Variants in INTS2 observed in about 807,000 individuals in gnomAD.
INTS2 encodes KIAA1287.
Under a neutral mutation model 139.6 loss-of-function variants are expected in INTS2, and 57 were observed. The observed-to-expected ratio is 0.41, with a 90% CI of 0.33 to 0.51. INTS2 has a LOEUF of 0.51. Among genes scored for constraint, INTS2 ranks in the 20% least tolerant of loss-of-function variants. The pLI is 0.28. For missense variants in INTS2, 1,196 were observed against 1,436.7 expected (o/e 0.83, Z 2.71); for synonymous variants, 473 against 493.4 (o/e 0.96, Z 0.55).
chr17:61,878,291 G>A (rs537370186), intron 17 of INTS2, among the ~76,000 whole-genome samples: 7 of 152,226 alleles, frequency 4.6e-5, no homozygotes, highest in Admixed American at 1.3e-4. Context: ...AGATGGATGC[G>A]GTGGCTCACA....
rs957187865 is a variant in INTS2 at position 61,909,624 on chromosome 17, A to C, written c.954+1896T>G. Among the ~76,000 whole-genome samples the C allele has an allele frequency of 1.3e-5, 2 of 151,992 alleles. No homozygotes were observed. Among genetic ancestry groups the C allele is most frequent in the Non-Finnish European group, 2.9e-5 (2 of 67,990 alleles). On this transcript the variant is annotated intron_variant, in intron 7 of 24. Transcript: ENST00000251334. This position sits in a 1 kb window ranked among gnomAD's most constrained non-coding sequence, Gnocchi z 4.9. Reference sequence around the variant, plus strand: ...CACTCGCTTATGTCCATGTGTACACATGATTAGCACCCACTCATAATTGAG... The same window carrying C: ...CACTCGCTTATGTCCATGTGTACACCTGATTAGCACCCACTCATAATTGAG...
Position 61,927,953 on chromosome 17 carries a change from T to G in INTS2, c.-318A>C. Reference sequence around the variant, plus strand: ...CCAGCACCTTCATTCATCCCCAGCGTCTGACTCCCGTCGGCCACCGTACTG... The same window carrying G: ...CCAGCACCTTCATTCATCCCCAGCGGCTGACTCCCGTCGGCCACCGTACTG... On this transcript the variant is annotated 5_prime_UTR_variant, in exon 1 of 25. Transcript: ENST00000251334. 1 of 1,613,930 alleles carries G rather than the reference T, an allele frequency of 6.2e-7. No individual in the cohort carries two copies. The highest frequency in any genetic ancestry group is 8.5e-7 in the Non-Finnish European group (1 of 1,179,886).
chr17:61,871,687 ACTTT>A lies in INTS2; in HGVS notation c.2778+574_2778+577del, dbSNP rs939191606. Among the ~76,000 whole-genome samples, 11 of 152,094 alleles carry A rather than the reference ACTTT, an allele frequency of 7.2e-5. 1 individual carries two copies. Among genetic ancestry groups the A allele is most frequent in the African/African-American group, 1.7e-4 (7 of 41,420 alleles). On this transcript the variant is annotated intron_variant, in intron 20 of 24. Coordinates refer to ENST00000251334, the MANE Select transcript of INTS2 (RefSeq NM_001351695.2). The surrounding 1 kb of genome is among the most constrained non-coding windows in gnomAD (Gnocchi z 4.9). The stretch of plus-strand genomic sequence containing the variant: ...CGTGGCTCATGCCTGTAATCCCAGC[ACTTT>A]GGGAAGCTGAGGTGGGTGGATCACC...
Position 61,897,869 on chromosome 17 carries a change from A to C in INTS2, c.1308-130T>G. On this transcript the variant is annotated intron_variant, in intron 9 of 24. Coordinates refer to ENST00000251334, the MANE Select transcript of INTS2 (RefSeq NM_001351695.2). The surrounding 1 kb of genome is among the most constrained non-coding windows in gnomAD (Gnocchi z 4.4). Reference sequence around the variant, plus strand: ...TATTTTCAAGTATCAAGTCAAATTAAAGGCTTGCTGAATTGGGCCATTAAT... The same window carrying C: ...TATTTTCAAGTATCAAGTCAAATTACAGGCTTGCTGAATTGGGCCATTAAT... 1 of 681,912 alleles carries C rather than the reference A, an allele frequency of 1.5e-6. No individual in the cohort carries two copies. The highest frequency in any genetic ancestry group is 2.5e-6 in the Non-Finnish European group (1 of 400,464). The allele number at this position is 681,912 out of a possible 1,614,324, so 42.2% of individuals were successfully genotyped here.
rs565409494 is a variant in INTS2, at chr17:61,890,418, T to C, written c.1876-524A>G. On this transcript the variant is annotated intron_variant, in intron 14 of 24. Coordinates refer to ENST00000251334, the MANE Select transcript of INTS2 (RefSeq NM_001351695.2). Reference sequence around the variant, plus strand: ...CTGAGGTCACGAGTTGGAGACCAGCTGGCCAACATAGTAAAACCCTGTCTC... The same window carrying C: ...CTGAGGTCACGAGTTGGAGACCAGCCGGCCAACATAGTAAAACCCTGTCTC... Among the ~76,000 whole-genome samples the C allele has an allele frequency of 3.3e-3, 494 of 150,292 alleles. 4 individuals are homozygous for C. Among genetic ancestry groups the C allele is most frequent in the Middle Eastern group, 0.01 (3 of 288 alleles).
At position 61,868,039 on chromosome 17, in the gene INTS2, GT is replaced by G. The variant is rs1186896193; in HGVS notation, c.3245-31del. 6.7e-7 allele frequency: 1 copy of G among 1,493,064 alleles called. No homozygotes were observed. Among genetic ancestry groups the G allele is most frequent in the Admixed American group, 2.4e-5 (1 of 41,056 alleles). The allele number at this position is 1,493,064 out of a possible 1,614,324, so 92.5% of individuals were successfully genotyped here. A position where few individuals can be genotyped will look rare whatever the true frequency, so the allele number is the denominator to read the frequency against. On this transcript the variant is annotated intron_variant, in intron 23 of 24. Transcript: ENST00000251334. The surrounding 1 kb of genome is among the most constrained non-coding windows in gnomAD (Gnocchi z 4.7). ...TGGAAAAAAATGAAACAATATTTTA[GT>G]TTACAAATATAAATTCAACACAGCT...
intron 4 of INTS2, among the ~76,000 whole-genome samples, chr17:61,919,761 C>T (rs902202554): frequency 2.0e-5 from 3 of 151,974 alleles, no homozygotes; most frequent in African/African-American, 7.3e-5. Flanking sequence ...CAGGGTCTTG[C>T]TTTGTTGCCC....
chr17:61,882,002 C>T lies in INTS2; in HGVS notation c.2090-831G>A, dbSNP rs1346726336. 6.6e-6 allele frequency among the ~76,000 whole-genome samples: 1 copy of T among 152,154 alleles called. No individual in the cohort carries two copies. The highest frequency in any genetic ancestry group is 1.9e-4 in the East Asian group (1 of 5,198). On this transcript the variant is annotated intron_variant, in intron 16 of 24. Transcript: ENST00000251334. This position sits in a 1 kb window ranked among gnomAD's most constrained non-coding sequence, Gnocchi z 4.7. ...TATCATATATGGTTTGGAAAAGGTC[C>T]TATTCAGAAATACTGATAGGCTTCT...
At chr17:61,885,190 T>G in intron 15 of INTS2, 185 bp from the exon 16 acceptor site, 1 of 565,628 alleles carries the variant, frequency 1.8e-6, no homozygotes, top group Non-Finnish European at 3.1e-6. Context: ...AACAAGAACA[T>G]ACCTGGAGCA....
intron 5 of INTS2, among the ~76,000 whole-genome samples, chr17:61,914,091 G>A (rs2079553509): frequency 6.6e-6 from 1 of 151,274 alleles, no homozygotes; most frequent in Non-Finnish European, 1.5e-5. Flanking sequence ...GACAGAGACT[G>A]CCACTAGATT....
chr17:61,889,064 C>CA (rs1412067706), intron 15 of INTS2, among the ~76,000 whole-genome samples: 470 of 135,602 alleles, frequency 3.5e-3, no homozygotes, highest in Non-Finnish European at 5.0e-3. Context: ...CAAACCAAAA[C>CA]AAAACAAAAA....
intron 11 of INTS2, among the ~76,000 whole-genome samples, chr17:61,896,239 C>CAAAA (rs1197473910): frequency 6.7e-5 from 3 of 45,090 alleles, no homozygotes; most frequent in Admixed American, 2.6e-4. Flanking sequence ...GACTCCATCT[C>CAAAA]AAAAAAAAAA....
chr17:61,907,936 G>C (rs1353142922), intron 7 of INTS2, among the ~76,000 whole-genome samples: 1 of 152,208 alleles, frequency 6.6e-6, no homozygotes, highest in African/African-American at 2.4e-5. Flanking sequence ...AAAGTGATAT[G>C]TGGTATAGGA....
chr17:61,869,155 C>A lies in INTS2; in HGVS notation c.3139-16G>T. 1 of 1,539,712 alleles carries A rather than the reference C, an allele frequency of 6.5e-7. No individual in the cohort carries two copies. Among genetic ancestry groups the A allele is most frequent in the South Asian group, 1.1e-5 (1 of 88,022 alleles). On this transcript the variant is annotated splice_polypyrimidine_tract_variant and intron_variant, in intron 22 of 24. Coordinates refer to ENST00000251334, the MANE Select transcript of INTS2 (RefSeq NM_001351695.2). The surrounding 1 kb of genome is among the most constrained non-coding windows in gnomAD (Gnocchi z 5.4). ...TAGCAAATATCTGCAATACAAAATC[C>A]AGTTATTACATGTTTCTCAAGAATA... is the stretch of plus-strand genomic sequence containing the variant.
chr17:61,894,068 G>T, intron 12 of INTS2, 169 bp from the exon 13 acceptor site: 1 of 427,806 alleles, frequency 2.3e-6, no homozygotes, highest in Non-Finnish European at 4.0e-6. Context: ...CTGAGGAAAT[G>T]TACATTTAGG....
intron 9 of INTS2, among the ~76,000 whole-genome samples, chr17:61,899,856 G>A (rs1022595750): frequency 4.7e-5 from 7 of 150,478 alleles, no homozygotes; most frequent in South Asian, 2.1e-4. Context: ...AGGCTGCAGC[G>A]AGCCCTGATC....
intron 9 of INTS2, among the ~76,000 whole-genome samples, chr17:61,903,174 G>GAAAAAAAAA (rs551514700): frequency 2.9e-4 from 17 of 59,614 alleles, no homozygotes; most frequent in Non-Finnish European, 4.5e-4. Context: ...CTCAAAAAAG[G>GAAAAAAAAA]AAAAAAAAAA....
At chr17:61,923,633 A>G (rs959938400) in intron 3 of INTS2, among the ~76,000 whole-genome samples, 1 of 152,168 alleles carries the variant, frequency 6.6e-6, no homozygotes, top group Non-Finnish European at 1.5e-5. Flanking sequence ...CCCCAAAATT[A>G]TAACAGTAAA....
In INTS2 at chr17:61,876,417, G is replaced by C. The variant is rs1368737333; in HGVS notation, c.2457-1379C>G. On this transcript the variant is annotated intron_variant, in intron 18 of 24. Coordinates refer to ENST00000251334, the MANE Select transcript of INTS2 (RefSeq NM_001351695.2). The surrounding 1 kb of genome is among the most constrained non-coding windows in gnomAD (Gnocchi z 4.1). ...AATTTGTCCCAGATGGGAACATGAA[G>C]ACAGAAAGCTCTGAAAGGAATGTCT... Among the ~76,000 whole-genome samples the C allele has an allele frequency of 6.6e-6, 1 of 151,006 alleles. No individual in the cohort carries two copies. The highest frequency in any genetic ancestry group is 2.4e-5 in the African/African-American group (1 of 41,154).
Sources: allele counts gnomAD v4.1 joint callset (sites outside exome capture counted in the v4.1 genomes callset), GRCh38; gene constraint gnomAD v4.1.1; non-coding constraint Gnocchi (gnomAD v3.1); transcripts MANE v1.5; gene names NCBI Gene and HGNC (gene_info 2026-07-23, HGNC 2026-07-21).